The following TEKT3 variants were observed in gnomAD, a reference collection of about 807,000 sequenced individuals.
The protein encoded by TEKT3 is tektin 3, also known as tektin-3.
TEKT3 carries 49 observed loss-of-function variants against 49.8 expected under a neutral mutation model. That is an observed-to-expected ratio of 0.98 (90% confidence interval 0.78 to 1.25). The LOEUF is 1.25. TEKT3 is among the 50% of genes most tolerant of loss of function. The pLI is 0.00. For synonymous variants in TEKT3, 225 were observed against 237.2 expected (o/e 0.95, Z 0.47); for missense variants, 595 against 629.5 (o/e 0.95, Z 0.59).
chr17:15,306,006 TTTC>T (rs1481749144), intron 8 of TEKT3, among the ~76,000 whole-genome samples: 3 of 152,060 alleles, frequency 2.0e-5, no homozygotes, highest in African/African-American at 7.2e-5. Flanking sequence ...TTTCTCTTTC[TTTC>T]TTCTTTTTTT....
rs541738907 is a variant in TEKT3, at chr17:15,312,406, G to A, written c.954C>T (p.Ser318=). 9.9e-6 allele frequency: 16 copies of A among 1,614,186 alleles called. No homozygotes were observed. Among genetic ancestry groups the A allele is most frequent in the African/African-American group, 6.7e-5 (5 of 75,050 alleles). ...TTTCAATGTCGTCTCTTAGCTTAGC[G>A]GAAGCTGCCCGTTCACTCTGGGAGC... ...ILRSQSERAA[S]AKLRDDIENL... The change falls in exon 7 of 9, where the codon TCC becomes TCT. Residue 318 remains serine (S), a synonymous_variant. Coordinates refer to ENST00000395930, the MANE Select transcript of TEKT3 (RefSeq NM_031898.3).
intron 3 of TEKT3, among the ~76,000 whole-genome samples, chr17:15,329,912 T>C (rs923958252): frequency 6.6e-6 from 1 of 152,200 alleles, no homozygotes; most frequent in Non-Finnish European, 1.5e-5. Flanking sequence ...ATTTGTATAA[T>C]TTGCACATCT....
intron 3 of TEKT3, among the ~76,000 whole-genome samples, chr17:15,330,421 A>T (rs757434296): frequency 5.9e-5 from 9 of 152,030 alleles, no homozygotes; most frequent in Admixed American, 1.3e-4. Context: ...ATGGTTTAGC[A>T]CCGTCCCTTC....
intron 4 of TEKT3, among the ~76,000 whole-genome samples, chr17:15,322,326 A>T (rs433068): frequency 0.15 from 23,316 of 152,250 alleles, 1,891 homozygotes; most frequent in East Asian, 0.22. Context: ...AGAGGCAAGT[A>T]ATAAACTAAT....
chr17:15,319,317 T>C (rs554933641), intron 4 of TEKT3, among the ~76,000 whole-genome samples, 170 bp from the exon 5 acceptor site: 24 of 152,316 alleles, frequency 1.6e-4, no homozygotes, highest in African/African-American at 4.8e-4. Flanking sequence ...TCCATGATAC[T>C]GGAATCTAAA....
chr17:15,327,143 G>C (rs12600385), intron 4 of TEKT3, among the ~76,000 whole-genome samples: 42,125 of 147,802 alleles, frequency 0.29, 6,163 homozygotes, highest in Middle Eastern at 0.36. Context: ...AACTATATAA[G>C]AGATGATTGA....
At position 15,331,423 on chromosome 17, in the gene TEKT3, A is replaced by ATG. The variant is rs778919388; in HGVS notation, c.161_162dup (p.Tyr55HisfsTer51). 6.2e-7 allele frequency: 1 copy of ATG among 1,614,050 alleles called. No homozygotes were observed. Among genetic ancestry groups the ATG allele is most frequent in the Non-Finnish European group, 8.5e-7 (1 of 1,180,010 alleles). On this transcript the variant is annotated frameshift_variant, in exon 3 of 9. Coordinates refer to ENST00000395930, the MANE Select transcript of TEKT3 (RefSeq NM_031898.3). LOFTEE classifies it high-confidence loss of function. ...GGGGAATTGGAGGCGACTTTGTAGT[A>ATG]TGTGCTGGGTCTCCAAGGAAGGCTC...
intron 3 of TEKT3, among the ~76,000 whole-genome samples, chr17:15,329,745 G>A (rs1007019144): frequency 4.6e-5 from 7 of 152,118 alleles, no homozygotes; most frequent in South Asian, 2.1e-4. Context: ...AAACTCCTCC[G>A]CTCACCAGAC....
At chr17:15,315,617 G>A (rs945447049) in intron 5 of TEKT3, among the ~76,000 whole-genome samples, 21 of 151,182 alleles carry the variant, frequency 1.4e-4, no homozygotes, top group Admixed American at 2.6e-4. Context: ...AGCTTGAGTC[G>A]TTGGAATAAT....
chr17:15,322,994 G>C (rs569680658), intron 4 of TEKT3, among the ~76,000 whole-genome samples: 9 of 152,188 alleles, frequency 5.9e-5, no homozygotes, highest in Non-Finnish European at 1.0e-4. Context: ...TTTCTGGCAT[G>C]GCTGCTTGTG....
intron 2 of TEKT3, among the ~76,000 whole-genome samples, chr17:15,338,805 C>T (rs1243045543): frequency 3.3e-5 from 5 of 151,686 alleles, no homozygotes; most frequent in Admixed American, 6.6e-5. Flanking sequence ...CGTGAGCCAC[C>T]GCGCCCAGCC....
At position 15,329,263 on chromosome 17, in the gene TEKT3, T is replaced by C. The variant is rs1911615109; in HGVS notation, c.580-1188A>G. ...TTGTTGATCGCCTATATTTTCTCTT[T>C]GGAGGCTTATCTGTTCATGTGACTC... On this transcript the variant is annotated intron_variant, in intron 3 of 8. Transcript: ENST00000395930. 2.0e-5 allele frequency among the ~76,000 whole-genome samples: 3 copies of C among 152,252 alleles called. No homozygotes were observed. The South Asian group carries it at 6.2e-4, about 31-fold the overall frequency.
chr17:15,312,570 A>G, intron 6 of TEKT3, 89 bp from the exon 7 acceptor site: 1 of 1,165,702 alleles, frequency 8.6e-7, no homozygotes, highest in Non-Finnish European at 1.2e-6. Context: ...GAGAGAGAGA[A>G]ACCCCCAGGT....
chr17:15,331,320 G>A lies in TEKT3; in HGVS notation c.266C>T (p.Thr89Ile). Residue 89 changes from threonine (T) to isoleucine (I), a missense_variant, in exon 3 of 9, where the codon ACT becomes ATT. Thr to Ile is a moderately conservative substitution (Grantham distance 89, BLOSUM62 -1). Coordinates refer to ENST00000395930, the MANE Select transcript of TEKT3 (RefSeq NM_031898.3). ...ATCCGGTGTGTATCTTGTGAAGAAA[G>A]TGGTTCTGTTGGAAACAAAGGGAAG... ...TMLPFVSNRT[T>I]FFTRYTPDDW... The A allele has an allele frequency of 6.2e-7, 1 of 1,614,216 alleles. No homozygotes were observed. The highest frequency in any genetic ancestry group is 8.5e-7 in the Non-Finnish European group (1 of 1,180,042).
chr17:15,336,820 A>C (rs1014889835), intron 2 of TEKT3, among the ~76,000 whole-genome samples: 3 of 152,162 alleles, frequency 2.0e-5, no homozygotes, highest in Non-Finnish European at 2.9e-5. Context: ...ATGTAAACTA[A>C]GGACCCATGG....
At chr17:15,327,259 T>C (rs1009619699) in intron 4 of TEKT3, among the ~76,000 whole-genome samples, 1 of 152,082 alleles carries the variant, frequency 6.6e-6, no homozygotes, top group Non-Finnish European at 1.5e-5. Context: ...GGCTCAAGTC[T>C]GTAATCCCAG....
At chr17:15,338,841 A>C (rs1394561578) in intron 2 of TEKT3, among the ~76,000 whole-genome samples, 1 of 152,074 alleles carries the variant, frequency 6.6e-6, no homozygotes, top group African/African-American at 2.4e-5. Context: ...GAGCATGTGC[A>C]GCACATACTA....
In TEKT3 at chr17:15,334,119, T is replaced by TGGCATGATCACTGCTCACTGCAGC. The variant is rs1261195007; in HGVS notation, c.-29-2529_-29-2506dup. Among the ~76,000 whole-genome samples the TGGCATGATCACTGCTCACTGCAGC allele has an allele frequency of 2.0e-5, 3 of 152,022 alleles. No individual in the cohort carries two copies. The East Asian group carries it at 5.8e-4, about 29-fold the overall frequency. ...CTCTGTTGCCCAGGCTGGAATGCAG[T>TGGCATGATCACTGCTCACTGCAGC]GGCATGATCACTGCTCACTGCAGCC... On this transcript the variant is annotated intron_variant, in intron 2 of 8. Transcript: ENST00000395930.
rs139529383 is a variant in TEKT3, at chr17:15,331,163, G to T, written c.423C>A (p.Asp141Glu). 3 of 1,614,146 alleles carry T rather than the reference G, an allele frequency of 1.9e-6. No individual in the cohort carries two copies. The highest frequency in any genetic ancestry group is 2.5e-6 in the Non-Finnish European group (3 of 1,180,036). Residue 141 changes from aspartate to glutamate, a missense_variant, in exon 3 of 9, where the codon GAC becomes GAA. Asp to Glu is a conservative substitution (Grantham distance 45). Transcript: ENST00000395930. Reference protein sequence around the residue: ...KYQQTRKTQADTTQNLGERVN... With the variant: ...KYQQTRKTQAETTQNLGERVN... ...CACGTTCTCCCAGATTTTGGGTTGTGTCTGCCTGAGTTTTTCTTGTTTGTT... is the reference window on the plus strand; with the variant it reads ...CACGTTCTCCCAGATTTTGGGTTGTTTCTGCCTGAGTTTTTCTTGTTTGTT...
Sources: allele counts gnomAD v4.1 joint callset (sites outside exome capture counted in the v4.1 genomes callset), GRCh38; gene constraint gnomAD v4.1.1; transcripts MANE v1.5; gene names NCBI Gene and HGNC (gene_info 2026-07-23, HGNC 2026-07-21).